Variants in DNAJC1 observed in about 807,000 individuals in gnomAD.
DNAJC1 encodes the protein dnaJ homolog subfamily C member 1.
DNAJC1 carries 58 observed loss-of-function variants against 76.6 expected under a neutral mutation model. That is an observed-to-expected ratio of 0.76 (90% CI 0.61 to 0.94). The LOEUF (loss-of-function observed/expected upper bound fraction) is 0.94, where lower values mean the gene tolerates loss of function less well. Ranked by LOEUF, DNAJC1 falls within the 40% of genes least tolerant of loss-of-function variation. The probability of loss-of-function intolerance (pLI) is 0.00; values close to 1 mark genes in which losing one functional copy is unlikely to be tolerated. For synonymous variants in DNAJC1, 258 were observed against 267.9 expected, an observed-to-expected ratio of 0.96 and a Z score of 0.36; for missense variants, 689 against 677.3, an observed-to-expected ratio of 1.02 and a Z score of -0.19.
intron 9 of DNAJC1, among the ~76,000 whole-genome samples, chr10:21,767,219 G>A (rs1315552533): frequency 6.6e-6 from 1 of 152,132 alleles, no homozygotes; most frequent in African/African-American, 2.4e-5. Context: ...TTGATGGAGT[G>A]GGGCAGCTGC....
rs578088470 is a variant in DNAJC1, at chr10:21,815,858, G to C, written c.979-9759C>G. Among the ~76,000 whole-genome samples, 340 of 151,568 alleles carry C rather than the reference G, an allele frequency of 2.2e-3. 3 individuals carry two copies. The highest frequency in any genetic ancestry group is 7.8e-3 in the African/African-American group (324 of 41,360). On this transcript the variant is annotated intron_variant, in intron 8 of 11. Coordinates refer to ENST00000376980, the MANE Select transcript of DNAJC1 (RefSeq NM_022365.4). ...CCTCCCAGGTTCAAGCGATTCTCCT[G>C]CCTCAGCCTCCCGAGTAGCTGGGAT...
chr10:21,815,612 G>T (rs1205163569), intron 8 of DNAJC1, among the ~76,000 whole-genome samples: 1 of 152,102 alleles, frequency 6.6e-6, no homozygotes, highest in Non-Finnish European at 1.5e-5. Flanking sequence ...TTCCTTAATG[G>T]TGTCTTTTGA....
intron 8 of DNAJC1, among the ~76,000 whole-genome samples, chr10:21,881,892 C>A (rs1314212658): frequency 1.4e-5 from 2 of 146,132 alleles, no homozygotes; most frequent in African/African-American, 5.1e-5. Flanking sequence ...CGGTGGCTCA[C>A]ACCTGTAATC....
intron 9 of DNAJC1, among the ~76,000 whole-genome samples, chr10:21,790,987 C>T (rs942461910): frequency 2.6e-5 from 4 of 151,918 alleles, no homozygotes; most frequent in African/African-American, 7.3e-5. Context: ...ATAAGAAATT[C>T]ACTTCACTTA....
At position 21,867,268 on chromosome 10, in the gene DNAJC1, GAATAT is replaced by G. The variant is rs561227000; in HGVS notation, c.978+15009_978+15013del. On this transcript the variant is annotated intron_variant, in intron 8 of 11. Coordinates refer to ENST00000376980, the MANE Select transcript of DNAJC1 (RefSeq NM_022365.4). ...ATGGCCTGAAAAGGAGACAGCGAGC[GAATAT>G]AAGAATATACAAATATCCAATATTA... Among the ~76,000 whole-genome samples, 38 of 152,144 alleles carry G rather than the reference GAATAT, an allele frequency of 2.5e-4. 1 individual carries two copies. In the South Asian group the frequency reaches 5.6e-3, roughly 22 times the overall value.
At chr10:21,880,412 G>A (rs1335275754) in intron 8 of DNAJC1, among the ~76,000 whole-genome samples, 5 of 152,032 alleles carry the variant, frequency 3.3e-5, no homozygotes, top group Admixed American at 2.0e-4. Flanking sequence ...ATCCATCAGA[G>A]GAATCACTCT....
In DNAJC1 at chr10:21,972,356, C is replaced by T. The variant is rs537318673; in HGVS notation, c.222+30857G>A. 2.6e-5 allele frequency among the ~76,000 whole-genome samples: 4 copies of T among 151,898 alleles called. No individual in the cohort carries two copies. In the East Asian group the frequency reaches 7.7e-4, roughly 29 times the overall value. On this transcript the variant is annotated intron_variant, in intron 1 of 11. Transcript: ENST00000376980. ...GGTAGGGATCAAGAAAGACATTACACAAAAAATATTAATGAGGAATTCATA... is the reference window on the plus strand; with the variant it reads ...GGTAGGGATCAAGAAAGACATTACATAAAAAATATTAATGAGGAATTCATA...
rs1315712597 is a variant in DNAJC1 at position 21,766,295 on chromosome 10, G to C, written c.1113C>G (p.Ala371=). ...AGGTCACTGAATCCTTCAGTTGCTTGGCTTTGGTTGTCACCTGTTTCAAAA... is the reference window on the plus strand; with the variant it reads ...AGGTCACTGAATCCTTCAGTTGCTTCGCTTTGGTTGTCACCTGTTTCAAAA... ...GRSVTDVTTK[A]KQLKDSVTCS... The change falls in exon 10 of 12, where the codon GCC becomes GCG. Residue 371 remains alanine, a synonymous_variant. Coordinates refer to ENST00000376980, the MANE Select transcript of DNAJC1 (RefSeq NM_022365.4). 7 of 1,613,832 alleles carry C rather than the reference G, an allele frequency of 4.3e-6. No individual in the cohort carries two copies. The highest frequency in any genetic ancestry group is 5.9e-6 in the Non-Finnish European group (7 of 1,179,754).
intron 10 of DNAJC1, among the ~76,000 whole-genome samples, chr10:21,764,418 G>T (rs1317455046): frequency 1.3e-5 from 2 of 151,972 alleles, no homozygotes; most frequent in African/African-American, 4.8e-5. Context: ...TTCTATTAGC[G>T]AACATTTCTT....
chr10:21,785,038 C>T (rs1181297699), intron 9 of DNAJC1, among the ~76,000 whole-genome samples: 3 of 151,970 alleles, frequency 2.0e-5, no homozygotes, highest in Non-Finnish European at 4.4e-5. Flanking sequence ...TACCCTAGAA[C>T]TTAAAATATA....
At position 21,928,518 on chromosome 10, in the gene DNAJC1, TC is replaced by T; in HGVS notation, c.358del (p.Glu120AsnfsTer10). 1 of 1,613,274 alleles carries T rather than the reference TC, an allele frequency of 6.2e-7. No homozygotes were observed. The highest frequency in any genetic ancestry group is 8.5e-7 in the Non-Finnish European group (1 of 1,179,450). ...AATGAACACTCACCTCTGCCTTCGT[TC>T]ATCATCCTTTAAAACTTCATAAATG... The part of the protein sequence containing the change: ...VAIYEVLKDD[E>X]RRQRYDDILI... On this transcript the variant is annotated frameshift_variant, in exon 3 of 12. Coordinates refer to ENST00000376980, the MANE Select transcript of DNAJC1 (RefSeq NM_022365.4). LOFTEE classifies it high-confidence loss of function.
intron 1 of DNAJC1, among the ~76,000 whole-genome samples, chr10:21,962,301 G>A: frequency 6.6e-6 from 1 of 151,866 alleles, no homozygotes; most frequent in South Asian, 2.1e-4. Context: ...TTAATGTATA[G>A]TAATTTATTC....
chr10:21,838,042 A>T (rs1835499375), intron 8 of DNAJC1, among the ~76,000 whole-genome samples: 1 of 146,378 alleles, frequency 6.8e-6, no homozygotes, highest in Admixed American at 6.8e-5. Flanking sequence ...CCCGTCCGGG[A>T]GGTGGGGGGC....
At chr10:21,804,679 T>G (rs1419536663) in intron 9 of DNAJC1, among the ~76,000 whole-genome samples, 1 of 148,220 alleles carries the variant, frequency 6.7e-6, no homozygotes, top group Non-Finnish European at 1.5e-5. Flanking sequence ...AAAAAAAAAG[T>G]TACAAAATAC....
intron 1 of DNAJC1, among the ~76,000 whole-genome samples, chr10:21,971,849 G>A (rs1441668535): frequency 6.6e-6 from 1 of 151,860 alleles, no homozygotes; most frequent in East Asian, 1.9e-4. Flanking sequence ...GGAATAACTG[G>A]AGGATATTAA....
intron 3 of DNAJC1, among the ~76,000 whole-genome samples, chr10:21,928,061 G>C (rs1837157984): frequency 6.6e-6 from 1 of 152,082 alleles, no homozygotes; most frequent in Admixed American, 6.5e-5. Flanking sequence ...CTGAGAGTGA[G>C]GAAATATCAA....
At chr10:21,832,825 C>T (rs1331780382) in intron 8 of DNAJC1, among the ~76,000 whole-genome samples, 1 of 152,138 alleles carries the variant, frequency 6.6e-6, no homozygotes, top group East Asian at 1.9e-4. Context: ...AACACTCTAA[C>T]CTCTCATTCA....
At chr10:21,904,671 T>G (rs1751856655) in intron 6 of DNAJC1, 59 bp from the exon 7 acceptor site, 1 of 1,105,920 alleles carries the variant, frequency 9.0e-7, no homozygotes, top group Non-Finnish European at 1.3e-6. Context: ...CAATAATATT[T>G]TCCATGTAAC....
chr10:21,961,593 G>T (rs1837793066), intron 1 of DNAJC1, among the ~76,000 whole-genome samples: 1 of 152,118 alleles, frequency 6.6e-6, no homozygotes, highest in Admixed American at 6.6e-5. Context: ...GAAAAGGGTG[G>T]TTATTGCTTA....
Sources: gnomAD v4.1 joint callset for allele counts (sites outside exome capture counted in the v4.1 genomes callset) on GRCh38, gnomAD v4.1.1 for gene constraint, MANE v1.5 for transcripts, NCBI Gene and HGNC (gene_info 2026-07-23, HGNC 2026-07-21) for gene names.